Variants in USP48 observed in about 807,000 individuals in gnomAD.
The protein encoded by USP48 is ubiquitin carboxyl-terminal hydrolase 48.
A neutral mutation model predicts 150.7 loss-of-function variants in USP48; 43 were observed. The ratio of observed to expected loss-of-function variants is 0.29; its 90% CI spans 0.22 to 0.37. The LOEUF is 0.37. Among genes scored for constraint, USP48 ranks in the 10% least tolerant of loss-of-function variants. USP48 has a pLI of 1.00. For missense variants in USP48, 813 were observed against 1,249.6 expected, an observed-to-expected ratio of 0.65 and a Z score of 5.27; for synonymous variants, 396 against 425.9, an observed-to-expected ratio of 0.93 and a Z score of 0.86.
rs1225219469 is a variant in USP48, at chr1:21,753,091, A to G, written c.441T>C (p.His147=). The G allele has an allele frequency of 6.2e-7, 1 of 1,609,906 alleles. No individual in the cohort carries two copies. The highest frequency in any genetic ancestry group is 8.5e-7 in the Non-Finnish European group (1 of 1,178,982). The part of the protein sequence containing the change: ...KDYEPQTICE[H]LQYLFALLQN... The stretch of plus-strand genomic sequence containing the variant: ...GCAACAAGGCAAACAAGTACTGGAG[A>G]TGCTCACAAATTGTTTGAGGCTCAT... The change falls in exon 4 of 27, where the codon CAT becomes CAC. Residue 147 remains histidine (H), a synonymous_variant. Transcript: ENST00000308271.
At chr1:21,762,773 G>T (rs1044639300) in intron 1 of USP48, among the ~76,000 whole-genome samples, 2 of 151,206 alleles carry the variant, frequency 1.3e-5, no homozygotes, top group Non-Finnish European at 2.9e-5. Context: ...GGCTGAGGCA[G>T]GAGAATTGCT....
At chr1:21,687,811 A>G (rs1435542654) in intron 24 of USP48, among the ~76,000 whole-genome samples, 1 of 152,196 alleles carries the variant, frequency 6.6e-6, no homozygotes, top group Non-Finnish European at 1.5e-5. Flanking sequence ...GTTCAACAAT[A>G]CAGGCTGTTT....
chr1:21,749,168 G>C (rs910106620), intron 6 of USP48, among the ~76,000 whole-genome samples: 1 of 151,712 alleles, frequency 6.6e-6, no homozygotes, highest in Non-Finnish European at 1.5e-5. Context: ...TCAAGCTTTT[G>C]TACCATATTG....
Position 21,783,024 on chromosome 1 carries a change from C to G in USP48, c.-67G>C, listed in dbSNP as rs2097918511. ...GCCGCCGCCGCGGTCTGCACCGCCG[C>G]CCCAATGGGCTTCGCCACCTGCCAG... On this transcript the variant is annotated 5_prime_UTR_variant, in exon 1 of 27. Transcript: ENST00000308271. 1 of 1,428,462 alleles carries G rather than the reference C, an allele frequency of 7.0e-7. No individual in the cohort carries two copies. Among genetic ancestry groups the G allele is most frequent in the Non-Finnish European group, 9.1e-7 (1 of 1,101,994 alleles). 88.5% of individuals were successfully genotyped at this position (1,428,462 alleles called of 1,614,324 possible).
intron 9 of USP48, among the ~76,000 whole-genome samples, chr1:21,730,949 G>A (rs1028712813): frequency 1.3e-5 from 2 of 151,580 alleles, no homozygotes; most frequent in Non-Finnish European, 2.9e-5. Context: ...TTAGTAGAGA[G>A]AAGATTTCAC....
Position 21,767,474 on chromosome 1 carries a change from G to C in USP48, c.135-9691C>G, listed in dbSNP as rs533063989. ...CGAGTAGCTGGGACTCCAGGTGTGC[G>C]TCACCATGCCCGGCTAATTTTTGTA... On this transcript the variant is annotated intron_variant, in intron 1 of 26. Coordinates refer to ENST00000308271, the MANE Select transcript of USP48 (RefSeq NM_032236.8). Among the ~76,000 whole-genome samples, 275 of 152,092 alleles carry C rather than the reference G, an allele frequency of 1.8e-3. 1 individual carries two copies. Among genetic ancestry groups the C allele is most frequent in the African/African-American group, 6.3e-3 (263 of 41,490 alleles).
chr1:21,759,350 T>C (rs1005055514), intron 1 of USP48, among the ~76,000 whole-genome samples: 7 of 152,088 alleles, frequency 4.6e-5, no homozygotes, highest in African/African-American at 1.7e-4. Context: ...TAAACAGTTA[T>C]CAAGCTCATT....
At chr1:21,699,569 A>C (rs1351940262) in intron 22 of USP48, among the ~76,000 whole-genome samples, 2 of 151,168 alleles carry the variant, frequency 1.3e-5, no homozygotes, top group Non-Finnish European at 2.9e-5. Flanking sequence ...GCTGGAGTGC[A>C]GTGGCGTGAT....
At chr1:21,772,622 C>CA (rs755930280) in intron 1 of USP48, among the ~76,000 whole-genome samples, 2,098 of 111,636 alleles carry the variant, frequency 0.019, 15 homozygotes, top group East Asian at 0.041. Context: ...GGCTCCATCT[C>CA]AAAAAAAAAA....
intron 22 of USP48, among the ~76,000 whole-genome samples, chr1:21,695,569 G>A (rs1410727315): frequency 6.6e-6 from 1 of 152,084 alleles, no homozygotes; most frequent in Non-Finnish European, 1.5e-5. Context: ...AATTAGCCAG[G>A]CGTGGTGGCA....
At chr1:21,735,371 C>A (rs575670461) in intron 9 of USP48, among the ~76,000 whole-genome samples, 3 of 75,442 alleles carry the variant, frequency 4.0e-5, no homozygotes, top group South Asian at 4.2e-4. Context: ...GAGGCCAAGG[C>A]GGGAGGACTG....
intron 11 of USP48, among the ~76,000 whole-genome samples, chr1:21,727,562 T>C (rs929304091): frequency 4.6e-5 from 7 of 152,172 alleles, no homozygotes; most frequent in African/African-American, 1.4e-4. Flanking sequence ...GTTTGGAAAA[T>C]AGATTTCTAG....
chr1:21,767,169 C>T (rs1012764529), intron 1 of USP48, among the ~76,000 whole-genome samples: 1 of 152,190 alleles, frequency 6.6e-6, no homozygotes, highest in Admixed American at 6.5e-5. Context: ...CCCACCTCAG[C>T]CTTCCAAATA....
At chr1:21,684,859 C>T (rs7339929) in intron 25 of USP48, among the ~76,000 whole-genome samples, 7,626 of 152,090 alleles carry the variant, frequency 0.05, 518 homozygotes, top group African/African-American at 0.15. Context: ...GCTGTAAATA[C>T]GTGAATTTAT....
chr1:21,701,587 C>A lies in USP48; in HGVS notation c.2638G>T (p.Ala880Ser). ...VDNKKVMKDSAPELNVSSSET... is the reference protein window; with the variant it reads ...VDNKKVMKDSSPELNVSSSET... ...GAACTACTCACATTCAGTTCCGGAG[C>A]CGAATCCTTCATCACCTGAATGTGC... is the stretch of plus-strand genomic sequence containing the variant. The change falls in exon 22 of 27, where the codon GCT becomes TCT. Residue 880 changes from alanine (A) to serine (S), a missense_variant. Coordinates refer to ENST00000308271, the MANE Select transcript of USP48 (RefSeq NM_032236.8). 6.2e-7 allele frequency: 1 copy of A among 1,613,684 alleles called. No individual in the cohort carries two copies. The highest frequency in any genetic ancestry group is 8.5e-7 in the Non-Finnish European group (1 of 1,179,738).
At position 21,705,727 on chromosome 1, in the gene USP48, A is replaced by G; in HGVS notation, c.2384T>C (p.Leu795Pro). 6.3e-7 allele frequency: 1 copy of G among 1,585,276 alleles called. No individual in the cohort carries two copies. Among genetic ancestry groups the G allele is most frequent in the Non-Finnish European group, 8.5e-7 (1 of 1,170,258 alleles). Residue 795 changes from leucine to proline, a missense_variant and splice_region_variant, in exon 19 of 27, where the codon CTT (leucine) becomes CCT (proline). Transcript: ENST00000308271. ...AATCACATGAAGAGAAGGAACTCACAGTTTAGAATCTTCTTTGGTCATGGA... is the reference window on the plus strand; with the variant it reads ...AATCACATGAAGAGAAGGAACTCACGGTTTAGAATCTTCTTTGGTCATGGA... ...FASMTKEDSK[L>P]IALIWPSEWQ...
intron 2 of USP48, 28 bp downstream of exon 2, chr1:21,757,635 A>G: frequency 6.2e-7 from 1 of 1,600,144 alleles, no homozygotes; most frequent in Non-Finnish European, 8.5e-7. Context: ...AACAGCATAT[A>G]GCAATCGCTT....
At chr1:21,754,193 C>T (rs546482498) in intron 3 of USP48, among the ~76,000 whole-genome samples, 26 of 152,128 alleles carry the variant, frequency 1.7e-4, no homozygotes, top group African/African-American at 5.5e-4. Context: ...GAATTAGCAA[C>T]CATGTTTTGT....
Position 21,748,170 on chromosome 1 carries a change from C to G in USP48, c.876G>C (p.Leu292=), listed in dbSNP as rs775279717. Residue 292 remains leucine, a synonymous_variant, in exon 7 of 27, where the codon CTG becomes CTC. Transcript: ENST00000308271. ...AGACAAAACGCATTAGCTGCAAGTT[C>G]AGAGTGCAAGGAAGGCTAAGAAGTC... is the stretch of plus-strand genomic sequence containing the variant. ...KIRLLSLPCT[L]NLQLMRFVFD... is the part of the protein sequence containing the mutation. 3 of 1,613,436 alleles carry G rather than the reference C, an allele frequency of 1.9e-6. No homozygotes were observed. In the African/African-American group the frequency reaches 4.0e-5, roughly 22 times the overall value.
Sources: allele counts gnomAD v4.1 joint callset (sites outside exome capture counted in the v4.1 genomes callset), GRCh38; gene constraint gnomAD v4.1.1; transcripts MANE v1.5; gene names NCBI Gene and HGNC (gene_info 2026-07-23, HGNC 2026-07-21).